ZFP14: variants seen among roughly 807,000 people sequenced by gnomAD.
The protein encoded by ZFP14 is ZFP14 zinc finger protein.
Under a neutral mutation model 54.5 loss-of-function variants are expected in ZFP14, and 22 were observed. The observed-to-expected ratio is 0.40, with a 90% CI of 0.29 to 0.58. ZFP14 has a LOEUF of 0.58. Among genes scored for constraint, ZFP14 ranks in the 20% least tolerant of loss-of-function variants. The probability of loss-of-function intolerance (pLI) is 0.39; values close to 1 mark genes in which losing one functional copy is unlikely to be tolerated. For synonymous variants in ZFP14, 159 were observed against 204.0 expected (o/e 0.78, Z 1.88); for missense variants, 470 against 637.8 (o/e 0.74, Z 2.83).
intron 1 of ZFP14, among the ~76,000 whole-genome samples, chr19:36,375,567 CTT>C (rs139409068): frequency 8.8e-4 from 104 of 117,624 alleles, no homozygotes; most frequent in Admixed American, 3.3e-3. Flanking sequence ...TTTGTATTTT[CTT>C]TTTTTTTTTT....
intron 2 of ZFP14, 46 bp downstream of exon 2, chr19:36,367,838 C>T: frequency 6.3e-7 from 1 of 1,595,556 alleles, no homozygotes; most frequent in South Asian, 1.1e-5. Flanking sequence ...ATACATGATA[C>T]AGAAATTGAC....
Position 36,341,789 on chromosome 19 carries a change from CA to C in ZFP14, c.236-200del, listed in dbSNP as rs2031321281. Among the ~76,000 whole-genome samples, 1 of 152,096 alleles carries C rather than the reference CA, an allele frequency of 6.6e-6. No homozygotes were observed. The highest frequency in any genetic ancestry group is 2.4e-5 in the African/African-American group (1 of 41,418). ...TGTACCTAAAAAACCTTATCTTCTACAAAAGTACACACTAAAAATTACTGTG... is the reference window on the plus strand; with the variant it reads ...TGTACCTAAAAAACCTTATCTTCTACAAAGTACACACTAAAAATTACTGTG... On this transcript the variant is annotated intron_variant, in intron 4 of 4. Transcript: ENST00000270001. This position sits in a 1 kb window ranked among gnomAD's most constrained non-coding sequence, Gnocchi z 4.2.
intron 4 of ZFP14, among the ~76,000 whole-genome samples, chr19:36,359,021 C>CCCCA (rs1568470233): frequency 6.6e-6 from 1 of 152,272 alleles, no homozygotes; most frequent in African/African-American, 2.4e-5. Flanking sequence ...TCAGCAGAGT[C>CCCCA]CCCACCAGCA....
intron 4 of ZFP14, among the ~76,000 whole-genome samples, chr19:36,352,286 C>A (rs2031540703): frequency 7.0e-6 from 1 of 142,436 alleles, no homozygotes; most frequent in Admixed American, 7.2e-5. Context: ...TTGTTATTGT[C>A]TAAGGCAACC....
In ZFP14 at chr19:36,374,429, G is replaced by A. The variant is rs182995996; in HGVS notation, c.-80+4734C>T. ...CGCTTGAACCCAGGAGACGGAGGTTGCAATGAGCCGATGTCGTGCCGTTGC... is the reference window on the plus strand; with the variant it reads ...CGCTTGAACCCAGGAGACGGAGGTTACAATGAGCCGATGTCGTGCCGTTGC... On this transcript the variant is annotated intron_variant, in intron 1 of 4. Transcript: ENST00000270001. Among the ~76,000 whole-genome samples, 31 of 149,550 alleles carry A rather than the reference G, an allele frequency of 2.1e-4. No individual in the cohort carries two copies. The East Asian group carries it at 4.9e-3, about 24-fold the overall frequency.
chr19:36,356,734 C>G (rs2031620973), intron 4 of ZFP14, among the ~76,000 whole-genome samples: 1 of 134,426 alleles, frequency 7.4e-6, no homozygotes. Flanking sequence ...TCATGTAGTG[C>G]ATAACCATTT....
intron 3 of ZFP14, among the ~76,000 whole-genome samples, chr19:36,360,852 A>ACTGCCTGGCTTCACATC (rs1364084828): frequency 6.6e-6 from 1 of 152,210 alleles, no homozygotes; most frequent in Non-Finnish European, 1.5e-5. Context: ...CTGGATCCAG[A>ACTGCCTGGCTTCACATC]CTGCCTGGCT....
intron 3 of ZFP14, 130 bp downstream of exon 3, chr19:36,361,982 C>G: frequency 9.2e-7 from 1 of 1,081,902 alleles, no homozygotes; most frequent in Non-Finnish European, 1.3e-6. Flanking sequence ...AATGGAGAGG[C>G]CTAGTTCCAA....
At chr19:36,360,833 G>T (rs759733799) in intron 3 of ZFP14, among the ~76,000 whole-genome samples, 5 of 152,192 alleles carry the variant, frequency 3.3e-5, no homozygotes, top group African/African-American at 4.8e-5. Flanking sequence ...GTAGAGGGAA[G>T]AACACAGACT....
At chr19:36,355,519 T>A (rs1163601161) in intron 4 of ZFP14, among the ~76,000 whole-genome samples, 5 of 129,250 alleles carry the variant, frequency 3.9e-5, no homozygotes, top group South Asian at 2.4e-4. Context: ...TCTCTATAAA[T>A]TTTTTTTTTT....
chr19:36,356,403 G>A (rs531880571), intron 4 of ZFP14, among the ~76,000 whole-genome samples: 3 of 151,954 alleles, frequency 2.0e-5, no homozygotes, highest in South Asian at 4.2e-4. Context: ...ACTCCAGCGT[G>A]GGTGACAGAG....
chr19:36,352,849 A>G (rs1311643934), intron 4 of ZFP14, among the ~76,000 whole-genome samples: 3 of 140,404 alleles, frequency 2.1e-5, no homozygotes, highest in Non-Finnish European at 4.7e-5. Context: ...GCTGAGGCAG[A>G]AGAATGGCGT....
At chr19:36,364,668 C>G (rs531592667) in intron 2 of ZFP14, among the ~76,000 whole-genome samples, 2 of 152,232 alleles carry the variant, frequency 1.3e-5, no homozygotes, top group South Asian at 2.1e-4. Context: ...ACCTAAAAGC[C>G]TTACATAGTA....
intron 4 of ZFP14, among the ~76,000 whole-genome samples, chr19:36,354,511 C>T (rs2031582526): frequency 2.1e-5 from 3 of 142,268 alleles, no homozygotes; most frequent in South Asian, 2.2e-4. Flanking sequence ...GGGCTTCTTG[C>T]AGTTCCTCAA....
At chr19:36,378,993 C>A (rs2032007166) in intron 1 of ZFP14, among the ~76,000 whole-genome samples, 170 bp downstream of exon 1, 1 of 152,202 alleles carries the variant, frequency 6.6e-6, no homozygotes, top group South Asian at 2.1e-4. Flanking sequence ...CCATTCCGGG[C>A]CGCTGGACCT....
intron 4 of ZFP14, among the ~76,000 whole-genome samples, chr19:36,349,680 A>AAAT (rs2031490750): frequency 1.5e-5 from 2 of 136,852 alleles, no homozygotes; most frequent in African/African-American, 5.1e-5. Context: ...ACAAAAAAAA[A>AAAT]ATATATATAT....
chr19:36,353,879 G>C (rs1297508286), intron 4 of ZFP14, among the ~76,000 whole-genome samples: 1 of 139,102 alleles, frequency 7.2e-6, no homozygotes, highest in Non-Finnish European at 1.6e-5. Context: ...TTCAAGACCA[G>C]CCTGGGCAAC....
chr19:36,352,304 GA>G (rs1568468179), intron 4 of ZFP14, among the ~76,000 whole-genome samples: 1 of 142,654 alleles, frequency 7.0e-6, no homozygotes, highest in African/African-American at 2.6e-5. Flanking sequence ...ACCACAAGAA[GA>G]AAAATAAATG....
chr19:36,370,676 T>C (rs916510926), intron 1 of ZFP14, among the ~76,000 whole-genome samples: 12 of 152,232 alleles, frequency 7.9e-5, no homozygotes, highest in Non-Finnish European at 1.6e-4. Context: ...CCAGAGAATG[T>C]GGTTCCAGCC....
Sources: gnomAD v4.1 joint callset for allele counts (sites outside exome capture counted in the v4.1 genomes callset) on GRCh38, gnomAD v4.1.1 for gene constraint, Gnocchi (gnomAD v3.1) non-coding constraint, MANE v1.5 for transcripts, NCBI Gene and HGNC (gene_info 2026-07-23, HGNC 2026-07-21) for gene names.